PSORS1C1: variants seen among roughly 807,000 people sequenced by gnomAD.
PSORS1C1 encodes the protein psoriasis susceptibility 1 candidate gene 1 protein.
A neutral mutation model predicts 9.4 loss-of-function variants in PSORS1C1; 7 were observed. The ratio of observed to expected loss-of-function variants is 0.75; its 90% CI spans 0.42 to 1.40. The LOEUF (loss-of-function observed/expected upper bound fraction) is 1.40, where lower values mean the gene tolerates loss of function less well. PSORS1C1 is among the 40% of genes most tolerant of loss of function. The pLI is 0.01. For missense variants in PSORS1C1, 146 were observed against 178.1 expected (o/e 0.82, Z 1.02); for synonymous variants, 63 against 69.4 (o/e 0.91, Z 0.46).
intron 3 of PSORS1C1, among the ~76,000 whole-genome samples, chr6:31,134,283 A>T (rs958170136): frequency 6.8e-6 from 1 of 146,490 alleles, no homozygotes; most frequent in Non-Finnish European, 1.5e-5. Context: ...GCCTGATCTC[A>T]TGTGTAGTTT....
At chr6:31,130,490 C>G (rs1772863033) in intron 3 of PSORS1C1, among the ~76,000 whole-genome samples, 1 of 151,860 alleles carries the variant, frequency 6.6e-6, no homozygotes, top group Non-Finnish European at 1.5e-5. Flanking sequence ...CGGCTCACTG[C>G]AACGTCCGCC....
intron 1 of PSORS1C1, among the ~76,000 whole-genome samples, chr6:31,119,606 G>T (rs1772354346): frequency 1.3e-5 from 2 of 152,170 alleles, no homozygotes; most frequent in African/African-American, 4.8e-5. Context: ...ATGATCAAAA[G>T]TGCTAATATA....
chr6:31,127,878 C>T (rs1233642585), intron 2 of PSORS1C1, among the ~76,000 whole-genome samples: 7 of 152,138 alleles, frequency 4.6e-5, no homozygotes, highest in Admixed American at 1.3e-4. Flanking sequence ...GCCTAAGCTG[C>T]GTCACACCAT....
At chr6:31,126,859 C>T (rs3130556) in intron 2 of PSORS1C1, among the ~76,000 whole-genome samples, 35,631 of 152,126 alleles carry the variant, frequency 0.23, 4,524 homozygotes, top group Non-Finnish European at 0.3. Flanking sequence ...GCTCCCTGGC[C>T]GAAGCCTTCC....
intron 1 of PSORS1C1, chr6:31,116,819 C>T: frequency 6.2e-7 from 1 of 1,614,050 alleles, no homozygotes; most frequent in South Asian, 1.1e-5. Flanking sequence ...TGAACCACTC[C>T]AGGGGCACCA....
chr6:31,121,688 C>T (rs2267642), intron 1 of PSORS1C1, among the ~76,000 whole-genome samples: 3,849 of 152,290 alleles, frequency 0.025, 125 homozygotes, highest in African/African-American at 0.074. Context: ...CTTCCCAAAC[C>T]TCATCTCCTC....
In PSORS1C1 at chr6:31,115,116, TTCC is replaced by T. The variant is rs1357352185; in HGVS notation, c.-229+231_-229+233del. On this transcript the variant is annotated intron_variant, in intron 1 of 5. Transcript: ENST00000259881. This position sits in a 1 kb window ranked among gnomAD's most constrained non-coding sequence, Gnocchi z 4.2. ...TTCAGTTCAACAAATATTTATTGTCTTCCTCCTCTGTGGGAGCAGCTGGAAGGT... is the reference window on the plus strand; with the variant it reads ...TTCAGTTCAACAAATATTTATTGTCTTCCTCTGTGGGAGCAGCTGGAAGGT... 3 of 351,912 alleles carry T rather than the reference TTCC, an allele frequency of 8.5e-6. No individual in the cohort carries two copies. The highest frequency in any genetic ancestry group is 6.4e-5 in the African/African-American group (3 of 46,518). The allele number at this position is 351,912 out of a possible 1,614,324, so 21.8% of individuals were successfully genotyped here.
chr6:31,137,987 C>G (rs746911228), intron 3 of PSORS1C1: 10 of 1,513,156 alleles, frequency 6.6e-6, no homozygotes, highest in Non-Finnish European at 7.9e-6. Context: ...CTAGGTCTGG[C>G]TCCTCCTGAG....
intron 4 of PSORS1C1, 98 bp from the exon 5 acceptor site, chr6:31,138,558 T>C: frequency 1.2e-6 from 2 of 1,607,996 alleles, no homozygotes; most frequent in South Asian, 1.1e-5. Context: ...TGACCAGACT[T>C]CTCCAAATAA....
At chr6:31,127,611 G>A (rs892367885) in intron 2 of PSORS1C1, among the ~76,000 whole-genome samples, 3 of 113,960 alleles carry the variant, frequency 2.6e-5, no homozygotes, top group Admixed American at 9.3e-5. Flanking sequence ...AGTTTCGCTC[G>A]TAGCCCAGCC....
intron 3 of PSORS1C1, among the ~76,000 whole-genome samples, chr6:31,133,969 T>C (rs886619598): frequency 6.6e-6 from 1 of 152,086 alleles, no homozygotes; most frequent in East Asian, 1.9e-4. Context: ...TCGGACCACA[T>C]GTAGTTTTTT....
At chr6:31,137,642 C>T (rs1171949664) in intron 3 of PSORS1C1, 1 of 346,620 alleles carries the variant, frequency 2.9e-6, no homozygotes. Flanking sequence ...TACCATAGCC[C>T]TGCCCCAGCG....
At position 31,118,837 on chromosome 6, in the gene PSORS1C1, C is replaced by CTTTTTTTTTTTTTTTTT. The variant is rs201665595; in HGVS notation, c.-229+3948_-229+3949insTTTTTTTTTTTTTTTTT. On this transcript the variant is annotated intron_variant, in intron 1 of 5. Coordinates refer to ENST00000259881, the MANE Select transcript of PSORS1C1 (RefSeq NM_014068.3). ...ATCATCCACCTGGAAGTTTTTTCTT[C>CTTTTTTTTTTTTTTTTT]TTCTTCTTTTTTTTTTTTTTTTTTG... is the stretch of plus-strand genomic sequence containing the variant. 3.0e-4 allele frequency: 28 copies of CTTTTTTTTTTTTTTTTT among 92,484 alleles called. 7 individuals carry two copies. The highest frequency in any genetic ancestry group is 7.9e-4 in the East Asian group (2 of 2,518). The allele number at this position is 92,484 out of a possible 1,614,324, so 5.7% of individuals were successfully genotyped here. A position where few individuals can be genotyped will look rare whatever the true frequency, so the allele number is the denominator to read the frequency against.
chr6:31,124,551 C>T (rs1055508369), intron 1 of PSORS1C1, among the ~76,000 whole-genome samples: 2 of 152,222 alleles, frequency 1.3e-5, no homozygotes, highest in Non-Finnish European at 1.5e-5. Context: ...TATTACTCTG[C>T]AGCTGACACC....
chr6:31,122,065 C>A (rs1403433647), intron 1 of PSORS1C1, among the ~76,000 whole-genome samples: 2 of 152,148 alleles, frequency 1.3e-5, no homozygotes, highest in Admixed American at 6.5e-5. Flanking sequence ...AACAAACAAA[C>A]AAAAAACACT....
intron 1 of PSORS1C1, chr6:31,117,635 G>T: frequency 1.1e-6 from 1 of 944,912 alleles, no homozygotes; most frequent in South Asian, 1.4e-5. Flanking sequence ...CCCAAGCAGA[G>T]CGCAGGGAGA....
chr6:31,135,013 G>T (rs3132566), intron 3 of PSORS1C1, among the ~76,000 whole-genome samples: 13,801 of 151,628 alleles, frequency 0.091, 821 homozygotes, highest in East Asian at 0.15. Context: ...AAACAGTTTT[G>T]CCATGTTGCC....
chr6:31,138,769 A>G lies in PSORS1C1; in HGVS notation c.157A>G (p.Asn53Asp). 1 of 1,614,076 alleles carries G rather than the reference A, an allele frequency of 6.2e-7. No homozygotes were observed. Among genetic ancestry groups the G allele is most frequent in the Non-Finnish European group, 8.5e-7 (1 of 1,179,996 alleles). ...CCGACTTTGCCACATGGAGCCAGCA[A>G]ACCATTTCTGGTGAGAGCCAAATGC... ...PDRLCHMEPA[N>D]HFWHAGDLQA... The change falls in exon 5 of 6, where the codon AAC (asparagine) becomes GAC (aspartate). Residue 53 changes from asparagine to aspartate, a missense_variant. Transcript: ENST00000259881.
intron 2 of PSORS1C1, among the ~76,000 whole-genome samples, chr6:31,126,973 C>G (rs1772708898): frequency 6.6e-6 from 1 of 152,222 alleles, no homozygotes; most frequent in African/African-American, 2.4e-5. Context: ...GTTCCCCTCT[C>G]TGTCCTGCGG....
Sources: gnomAD v4.1 joint callset for allele counts (sites outside exome capture counted in the v4.1 genomes callset) on GRCh38, gnomAD v4.1.1 for gene constraint, Gnocchi (gnomAD v3.1) non-coding constraint, MANE v1.5 for transcripts, NCBI Gene and HGNC (gene_info 2026-07-23, HGNC 2026-07-21) for gene names.